The following KCNG2 variants were observed in gnomAD, a reference collection of about 807,000 sequenced individuals.
KCNG2 encodes voltage-gated potassium channel regulatory subunit KCNG2.
A neutral mutation model predicts 12.3 loss-of-function variants in KCNG2; 7 were observed. The observed-to-expected ratio is 0.57, with a 90% CI of 0.32 to 1.07. KCNG2 has a LOEUF of 1.07. KCNG2 is among the 50% of genes least tolerant of loss of function. The probability of loss-of-function intolerance (pLI) is 0.04; values close to 1 mark genes in which losing one functional copy is unlikely to be tolerated. For synonymous variants in KCNG2, 414 were observed against 351.4 expected, an observed-to-expected ratio of 1.18 and a Z score of -1.99; for missense variants, 703 against 726.0, an observed-to-expected ratio of 0.97 and a Z score of 0.36.
chr18:79,809,548 C>G (rs573474), intron 1 of KCNG2, among the ~76,000 whole-genome samples: 9,175 of 33,254 alleles, frequency 0.28, 999 homozygotes, highest in South Asian at 0.42. Flanking sequence ...TCCACGTTAC[C>G]GGCCCAGAGT....
At chr18:79,860,461 T>C (rs1206545438) in intron 2 of KCNG2, among the ~76,000 whole-genome samples, 1 of 152,258 alleles carries the variant, frequency 6.6e-6, no homozygotes, top group Non-Finnish European at 1.5e-5. Flanking sequence ...CCAATGTTTG[T>C]AGTTTTCAGT....
rs951054775 is a variant in KCNG2, at chr18:79,884,227, C to T, written c.625-14813C>T. 6.6e-6 allele frequency among the ~76,000 whole-genome samples: 1 copy of T among 152,088 alleles called. No homozygotes were observed. The highest frequency in any genetic ancestry group is 1.5e-5 in the Non-Finnish European group (1 of 67,984). Reference sequence around the variant, plus strand: ...CCGTCCCCATGCCCCTCCCCATGCCCCATGTCCCTGTTCTCAGCCCTCCTC... The same window carrying T: ...CCGTCCCCATGCCCCTCCCCATGCCTCATGTCCCTGTTCTCAGCCCTCCTC... On this transcript the variant is annotated intron_variant, in intron 3 of 3. Transcript: ENST00000316249. The surrounding 1 kb of genome is among the most constrained non-coding windows in gnomAD (Gnocchi z 5.5).
intron 3 of KCNG2, among the ~76,000 whole-genome samples, chr18:79,877,569 C>T (rs1980124370): frequency 6.6e-6 from 1 of 151,892 alleles, no homozygotes; most frequent in Non-Finnish European, 1.5e-5. Context: ...CTTGTTCTCA[C>T]ACCTCCGCCC....
At chr18:79,825,330 G>A (rs1281539361) in intron 1 of KCNG2, among the ~76,000 whole-genome samples, 1 of 152,200 alleles carries the variant, frequency 6.6e-6, no homozygotes, top group Non-Finnish European at 1.5e-5. Context: ...GAAAAAGGAA[G>A]ACACTTGAAG....
At position 79,899,432 on chromosome 18, in the gene KCNG2, G is replaced by A. The variant is rs988609105; in HGVS notation, c.1017G>A (p.Leu339=). The A allele has an allele frequency of 1.3e-6, 2 of 1,594,586 alleles. No individual in the cohort carries two copies. The highest frequency in any genetic ancestry group is 1.4e-5 in the African/African-American group (1 of 73,572). Residue 339 remains leucine (L), a synonymous_variant, in exon 4 of 4, where the codon CTG becomes CTA. Transcript: ENST00000316249. The part of the protein sequence containing the change: ...LCVAMALFAP[L]VHLAERELGA... ...TGGCCATGGCGCTCTTCGCGCCACT[G>A]GTGCACCTGGCCGAGCGCGAGCTGG...
intron 1 of KCNG2, among the ~76,000 whole-genome samples, chr18:79,831,717 G>T (rs1182903158): frequency 1.5e-5 from 1 of 64,874 alleles, no homozygotes; most frequent in African/African-American, 6.0e-5. Flanking sequence ...GTTCCCTGCG[G>T]ACAGAGCCTT....
rs544602320 is a variant in KCNG2, at chr18:79,822,204, T to C, written c.-115+24190T>C. The stretch of plus-strand genomic sequence containing the variant: ...GACTTATAGGAAAGTTGCAGATTCA[T>C]AGAGGTTCCCATGTCTCCCACCCAG... On this transcript the variant is annotated intron_variant, in intron 1 of 3. Coordinates refer to ENST00000316249, the MANE Select transcript of KCNG2 (RefSeq NM_012283.2). This position sits in a 1 kb window ranked among gnomAD's most constrained non-coding sequence, Gnocchi z 4.4. 7.9e-5 allele frequency among the ~76,000 whole-genome samples: 12 copies of C among 152,280 alleles called. No individual in the cohort carries two copies. In the East Asian group the frequency reaches 1.2e-3, roughly 15 times the overall value.
intron 3 of KCNG2, among the ~76,000 whole-genome samples, chr18:79,881,588 C>A (rs1253794728): frequency 6.6e-6 from 1 of 152,214 alleles, no homozygotes; most frequent in Non-Finnish European, 1.5e-5. Context: ...CAGCTAAATA[C>A]AGCTGATAAT....
At position 79,864,025 on chromosome 18, in the gene KCNG2, C is replaced by T. The variant is rs1979342329; in HGVS notation, c.358C>T (p.Leu120=). The T allele has an allele frequency of 2.6e-6, 3 of 1,144,408 alleles. No individual in the cohort carries two copies. Among genetic ancestry groups the T allele is most frequent in the South Asian group, 8.3e-5 (2 of 23,964 alleles). The allele number at this position is 1,144,408 out of a possible 1,614,324, so 70.9% of individuals were successfully genotyped here. The change falls in exon 3 of 4, where the codon CTG becomes TTG. Residue 120 remains leucine, a synonymous_variant. Transcript: ENST00000316249. ...CGAGGCGCGCCTGGAGCGCTGCTGC[C>T]TGCGCCGCCTGCGCCGCCGCGAGGA... is the stretch of plus-strand genomic sequence containing the variant. ...IDEARLERCC[L]RRLRRREEEA...
rs80319608 is a variant in KCNG2 at position 79,880,751 on chromosome 18, C to T, written c.624+16460C>T. ...AAGACATAAAAAGCACAGCACATCA[C>T]GGCCAACTGAGGTTTTTCTCAGGAA... On this transcript the variant is annotated intron_variant, in intron 3 of 3. Coordinates refer to ENST00000316249, the MANE Select transcript of KCNG2 (RefSeq NM_012283.2). Among the ~76,000 whole-genome samples the T allele has an allele frequency of 9.3e-4, 142 of 152,314 alleles. 1 individual carries two copies. Among genetic ancestry groups the T allele is most frequent in the Non-Finnish European group, 1.4e-3 (98 of 68,034 alleles).
In KCNG2 at chr18:79,899,601, C is replaced by A; in HGVS notation, c.1186C>A (p.Leu396Ile). ...ALSSILSGIL[L>I]MAFPVTSIFH... The stretch of plus-strand genomic sequence containing the variant: ...CAGCAGCATCCTCAGCGGCATCCTG[C>A]TCATGGCCTTCCCGGTCACCTCCAT... Residue 396 changes from leucine (L) to isoleucine (I), a missense_variant, in exon 4 of 4, where the codon CTC becomes ATC. Coordinates refer to ENST00000316249, the MANE Select transcript of KCNG2 (RefSeq NM_012283.2). 1 of 1,599,858 alleles carries A rather than the reference C, an allele frequency of 6.3e-7. No homozygotes were observed. Among genetic ancestry groups the A allele is most frequent in the Non-Finnish European group, 8.5e-7 (1 of 1,172,440 alleles).
At chr18:79,841,321 C>T (rs1349549189) in intron 1 of KCNG2, among the ~76,000 whole-genome samples, 1 of 152,046 alleles carries the variant, frequency 6.6e-6, no homozygotes, top group Admixed American at 6.5e-5. Context: ...TAAATAATAA[C>T]AGAAGAAAAC....
chr18:79,895,052 G>A (rs1980911838), intron 3 of KCNG2, among the ~76,000 whole-genome samples: 1 of 150,360 alleles, frequency 6.7e-6, no homozygotes, highest in South Asian at 2.1e-4. Context: ...CTTTTGATTG[G>A]GTTGTTCACA....
chr18:79,890,269 G>A (rs1980698843), intron 3 of KCNG2, among the ~76,000 whole-genome samples: 1 of 152,092 alleles, frequency 6.6e-6, no homozygotes, highest in East Asian at 1.9e-4. Context: ...TAGTTTGTGA[G>A]GAATTGGTAT....
chr18:79,810,552 C>T (rs192994783), intron 1 of KCNG2, among the ~76,000 whole-genome samples: 35 of 152,270 alleles, frequency 2.3e-4, no homozygotes, highest in African/African-American at 7.0e-4. Flanking sequence ...GTGGAAAGAT[C>T]ACCTCAGAAA....
At chr18:79,862,199 TTGAAAA>T (rs1484907389) in intron 2 of KCNG2, among the ~76,000 whole-genome samples, 1 of 152,240 alleles carries the variant, frequency 6.6e-6, no homozygotes, top group Non-Finnish European at 1.5e-5. Flanking sequence ...TAATTTTTTG[TTGAAAA>T]TGAAATTTTT....
At chr18:79,823,428 C>T (rs1364562735) in intron 1 of KCNG2, among the ~76,000 whole-genome samples, 1 of 152,104 alleles carries the variant, frequency 6.6e-6, no homozygotes, top group African/African-American at 2.4e-5. Flanking sequence ...AGCTGTGCCC[C>T]GTGTCGAGCG....
At chr18:79,816,735 G>A (rs1483793554) in intron 1 of KCNG2, among the ~76,000 whole-genome samples, 2 of 152,222 alleles carry the variant, frequency 1.3e-5, no homozygotes, top group Non-Finnish European at 2.9e-5. Flanking sequence ...GTGGCAGATC[G>A]GGAAACATTC....
intron 1 of KCNG2, among the ~76,000 whole-genome samples, chr18:79,798,472 C>T (rs952710111): frequency 6.6e-6 from 1 of 152,182 alleles, no homozygotes; most frequent in African/African-American, 2.4e-5. Context: ...GTTGGGGGCG[C>T]ACCCGGCTCG....
Sources: gnomAD v4.1 joint callset for allele counts (sites outside exome capture counted in the v4.1 genomes callset) on GRCh38, gnomAD v4.1.1 for gene constraint, Gnocchi (gnomAD v3.1) non-coding constraint, MANE v1.5 for transcripts, NCBI Gene and HGNC (gene_info 2026-07-23, HGNC 2026-07-21) for gene names.